Variants in MACROD2 observed in about 807,000 individuals in gnomAD.
MACROD2 encodes mono-ADP ribosylhydrolase 2.
Under a neutral mutation model 70.4 loss-of-function variants are expected in MACROD2, and 36 were observed. The ratio of observed to expected loss-of-function variants is 0.51; its 90% CI spans 0.39 to 0.68. MACROD2 has a LOEUF of 0.68. MACROD2 is among the 30% of genes least tolerant of loss of function. The pLI is 0.00. For missense variants in MACROD2, 496 were observed against 538.4 expected (o/e 0.92, Z 0.78); for synonymous variants, 172 against 178.8 (o/e 0.96, Z 0.30).
At chr20:15,483,897 T>G (rs1264759771) in intron 7 of MACROD2, among the ~76,000 whole-genome samples, 1 of 152,074 alleles carries the variant, frequency 6.6e-6, no homozygotes, top group Non-Finnish European at 1.5e-5. Flanking sequence ...TGTTTGACTT[T>G]TGTATATTAA....
chr20:15,234,009 A>ATTTTTTTTTTTTTTTTTTTTTT (rs1342277075), intron 6 of MACROD2, among the ~76,000 whole-genome samples: 1 of 39,994 alleles, frequency 2.5e-5, no homozygotes, highest in Non-Finnish European at 4.7e-5. Flanking sequence ...ATATATATAT[A>ATTTTTTTTTTTTTTTTTTTTTT]TTCTTTTTTT....
intron 3 of MACROD2, chr20:14,127,586 C>A: frequency 2.1e-6 from 1 of 473,588 alleles, no homozygotes; most frequent in Non-Finnish European, 4.0e-6. Flanking sequence ...GAGTAGGAAA[C>A]TGAAGGAAGA....
intron 8 of MACROD2, among the ~76,000 whole-genome samples, chr20:15,529,698 C>T (rs1345368): frequency 0.12 from 18,017 of 152,054 alleles, 1,330 homozygotes; most frequent in East Asian, 0.33. Context: ...TTTCAAAAAA[C>T]AAATCAAATG....
chr20:15,917,607 G>A (rs916567070), intron 10 of MACROD2, among the ~76,000 whole-genome samples: 6 of 152,068 alleles, frequency 3.9e-5, no homozygotes, highest in South Asian at 2.1e-4. Flanking sequence ...TTTCTAGAAC[G>A]TCAGCATGCC....
intron 4 of MACROD2, among the ~76,000 whole-genome samples, chr20:14,529,988 G>A (rs1402300599): frequency 6.6e-6 from 1 of 152,194 alleles, no homozygotes; most frequent in Non-Finnish European, 1.5e-5. Flanking sequence ...GAAGGTAGAG[G>A]CGGAGGGGAA....
intron 2 of MACROD2, among the ~76,000 whole-genome samples, chr20:14,034,344 C>T (rs976841333): frequency 1.3e-5 from 2 of 152,150 alleles, no homozygotes; most frequent in Non-Finnish European, 2.9e-5. Flanking sequence ...TATTTAATCA[C>T]CCCCTATTCA....
intron 6 of MACROD2, among the ~76,000 whole-genome samples, chr20:15,234,055 G>A (rs1442855348): frequency 3.9e-4 from 21 of 53,272 alleles, no homozygotes; most frequent in Non-Finnish European, 5.8e-4. Flanking sequence ...TTTTTGAGAC[G>A]GAGTCTCGCT....
intron 7 of MACROD2, among the ~76,000 whole-genome samples, chr20:15,459,521 G>C (rs573023276): frequency 1.3e-5 from 2 of 152,144 alleles, no homozygotes; most frequent in South Asian, 4.2e-4. Flanking sequence ...TCTCCATCCT[G>C]ATCATTAACT....
chr20:14,838,094 T>C (rs556343181), intron 5 of MACROD2, among the ~76,000 whole-genome samples: 13 of 152,240 alleles, frequency 8.5e-5, no homozygotes, highest in African/African-American at 3.1e-4. Flanking sequence ...TTCTTCTTGA[T>C]ATGAATTTGT....
chr20:14,141,810 G>A (rs2054878975), intron 3 of MACROD2, among the ~76,000 whole-genome samples: 2 of 151,154 alleles, frequency 1.3e-5, no homozygotes, highest in Admixed American at 6.6e-5. Flanking sequence ...GAGTACAGAG[G>A]AGGGCACATA....
intron 2 of MACROD2, among the ~76,000 whole-genome samples, chr20:14,018,654 T>G (rs188942387): frequency 3.3e-5 from 5 of 152,348 alleles, no homozygotes; most frequent in Admixed American, 2.0e-4. Context: ...GCTCCAGAGT[T>G]TCTGGTTGGT....
At chr20:14,180,301 G>T (rs915166935) in intron 3 of MACROD2, among the ~76,000 whole-genome samples, 11 of 152,088 alleles carry the variant, frequency 7.2e-5, no homozygotes, top group Non-Finnish European at 1.3e-4. Flanking sequence ...CAGGTTTAAT[G>T]CAGAGAGTGT....
intron 4 of MACROD2, chr20:14,566,464 A>G (rs1979813502): frequency 6.6e-6 from 1 of 152,050 alleles, no homozygotes; most frequent in African/African-American, 2.4e-5. Context: ...TGCTGAGTCA[A>G]AAGTTATGTG....
chr20:14,589,136 A>G (rs1191441065), intron 4 of MACROD2, among the ~76,000 whole-genome samples: 1 of 152,108 alleles, frequency 6.6e-6, no homozygotes, highest in African/African-American at 2.4e-5. Flanking sequence ...TTTGAAAATA[A>G]TGCATTTCAG....
chr20:15,759,975 G>T (rs1189728191), intron 8 of MACROD2, among the ~76,000 whole-genome samples: 1 of 152,164 alleles, frequency 6.6e-6, no homozygotes, highest in Non-Finnish European at 1.5e-5. Context: ...CTTCAGAAAA[G>T]TGCAAATAAT....
At chr20:15,160,676 A>T (rs776162006) in intron 5 of MACROD2, among the ~76,000 whole-genome samples, 6 of 152,094 alleles carry the variant, frequency 3.9e-5, no homozygotes, top group Admixed American at 2.6e-4. Context: ...TTCAGTTTGG[A>T]TAAGGAGAAA....
At chr20:15,133,035 C>G (rs1310967118) in intron 5 of MACROD2, among the ~76,000 whole-genome samples, 1 of 151,930 alleles carries the variant, frequency 6.6e-6, no homozygotes, top group Non-Finnish European at 1.5e-5. Context: ...TAATTTCTAC[C>G]TTAAAATAAA....
chr20:15,313,393 G>A (rs990180884), intron 6 of MACROD2, among the ~76,000 whole-genome samples: 1 of 151,338 alleles, frequency 6.6e-6, no homozygotes, highest in Non-Finnish European at 1.5e-5. Context: ...TGTAGTCCCA[G>A]CTACTCGGGA....
At chr20:15,136,913 A>G (rs6079675) in intron 5 of MACROD2, among the ~76,000 whole-genome samples, 1 of 134,802 alleles carries the variant, frequency 7.4e-6, no homozygotes, top group African/African-American at 2.8e-5. Context: ...TGAACAGACA[A>G]TTCTCAAAAG....
Sources: gnomAD v4.1 joint callset for allele counts (sites outside exome capture counted in the v4.1 genomes callset) on GRCh38, gnomAD v4.1.1 for gene constraint, MANE v1.5 for transcripts, NCBI Gene and HGNC (gene_info 2026-07-23, HGNC 2026-07-21) for gene names.